The following GALNT16 variants were observed in gnomAD, a reference collection of about 807,000 sequenced individuals.
GALNT16 encodes UDP-GalNAc:polypeptide N-acetylgalactosaminyltransferase-like protein 1.
In GALNT16, 40 loss-of-function variants were observed where a neutral mutation model predicts 76.1. The observed-to-expected ratio is 0.53, with a 90% CI of 0.41 to 0.68. GALNT16 has a LOEUF of 0.68. GALNT16 is among the 30% of genes least tolerant of loss of function. The pLI, the probability that GALNT16 is intolerant of heterozygous loss-of-function variation, is 0.00. For synonymous variants in GALNT16, 276 were observed against 285.2 expected (o/e 0.97, Z 0.32); for missense variants, 621 against 731.9 (o/e 0.85, Z 1.75).
chr14:69,304,900 GGCTATTGT>G (rs1180842087), intron 1 of GALNT16, among the ~76,000 whole-genome samples: 2 of 152,114 alleles, frequency 1.3e-5, no homozygotes, highest in African/African-American at 4.8e-5. Flanking sequence ...CCCACATCTT[GGCTATTGT>G]GAATAATGCT....
At chr14:69,318,197 G>A (rs768959679) in intron 1 of GALNT16, among the ~76,000 whole-genome samples, 3 of 152,252 alleles carry the variant, frequency 2.0e-5, no homozygotes, top group African/African-American at 4.8e-5. Context: ...ACCACCTGGA[G>A]CGGGGTTGGA....
intron 1 of GALNT16, among the ~76,000 whole-genome samples, chr14:69,310,258 C>T (rs763156902): frequency 6.6e-6 from 1 of 151,506 alleles, no homozygotes; most frequent in Non-Finnish European, 1.5e-5. Context: ...CATCTGTAGT[C>T]TTATGGTATA....
At chr14:69,311,904 TCC>T (rs915442494) in intron 1 of GALNT16, among the ~76,000 whole-genome samples, 1 of 151,818 alleles carries the variant, frequency 6.6e-6, no homozygotes, top group Non-Finnish European at 1.5e-5. Flanking sequence ...TGCTTTTTTT[TCC>T]CCCTTAATAT....
At chr14:69,357,844 T>C (rs921684168), downstream of GALNT16, 9 of 152,402 alleles carry the variant, frequency 5.9e-5, no homozygotes, top group Admixed American at 3.3e-4. Context: ...TGTGTTTGTA[T>C]TGAGTGGTCC....
In GALNT16 at chr14:69,352,792, TG is replaced by T. The variant is rs1011381802; in HGVS notation, c.*626del. 2 of 152,244 alleles carry T rather than the reference TG, an allele frequency of 1.3e-5. No individual in the cohort carries two copies. Among genetic ancestry groups the T allele is most frequent in the Non-Finnish European group, 2.9e-5 (2 of 68,160 alleles). 9.4% of individuals were successfully genotyped at this position (152,244 alleles called of 1,614,324 possible). A position where few individuals can be genotyped will look rare whatever the true frequency, so the allele number is the denominator to read the frequency against. On this transcript the variant is annotated 3_prime_UTR_variant, in exon 15 of 15. Transcript: ENST00000448469. ...AGGATGGGTAATTTGCAAATGAACATGGATAGAAGAGCAGCAAAGCACCAAA... is the reference window on the plus strand; with the variant it reads ...AGGATGGGTAATTTGCAAATGAACATGATAGAAGAGCAGCAAAGCACCAAA...
intron 11 of GALNT16, 52 bp downstream of exon 11, chr14:69,339,671 C>A (rs2045461215): frequency 8.8e-7 from 1 of 1,137,480 alleles, no homozygotes; most frequent in Non-Finnish European, 1.3e-6. Context: ...ATTAGCACAA[C>A]CCCAGCAAAA....
chr14:69,318,482 A>C (rs11158802), intron 1 of GALNT16, among the ~76,000 whole-genome samples: 34,545 of 152,158 alleles, frequency 0.23, 4,834 homozygotes, highest in East Asian at 0.43. Context: ...TTGTTGAATG[A>C]ATGCATGCAT....
chr14:69,310,023 A>G (rs1364722615), intron 1 of GALNT16, among the ~76,000 whole-genome samples: 1 of 152,106 alleles, frequency 6.6e-6, no homozygotes, highest in Non-Finnish European at 1.5e-5. Flanking sequence ...CATTCACTGA[A>G]TGGCATAGCT....
At chr14:69,316,061 A>G (rs1382619428) in intron 1 of GALNT16, among the ~76,000 whole-genome samples, 2 of 152,200 alleles carry the variant, frequency 1.3e-5, no homozygotes, top group Admixed American at 6.5e-5. Flanking sequence ...GAGGTGCAGT[A>G]ATGAGATTGG....
rs1360111492 is a variant in GALNT16 at position 69,342,490 on chromosome 14, G to C, written c.1271+726G>C. Among the ~76,000 whole-genome samples, 29 of 69,608 alleles carry C rather than the reference G, an allele frequency of 4.2e-4. 2 individuals are homozygous for C. Among genetic ancestry groups the C allele is most frequent in the South Asian group, 1.4e-3 (2 of 1,450 alleles). The allele number at this position is 69,608 out of a possible 152,430, so 45.7% of individuals were successfully genotyped here. ...GAAGGAAGGAAGGGAGGGAGGGAGG[G>C]AGGGAGGGAGGGAGGGAGGAAGGAA... is the stretch of plus-strand genomic sequence containing the variant. On this transcript the variant is annotated intron_variant, in intron 12 of 14. Transcript: ENST00000448469.
the GALNT16 span, among the ~76,000 whole-genome samples, chr14:69,371,012 T>C: frequency 6.6e-6 from 1 of 152,238 alleles, no homozygotes; most frequent in Non-Finnish European, 1.5e-5. Flanking sequence ...ACAGTCCTTA[T>C]GTTTTTATCA....
the GALNT16 span, among the ~76,000 whole-genome samples, chr14:69,364,760 C>A: frequency 2.0e-5 from 3 of 152,174 alleles, no homozygotes; most frequent in East Asian, 5.8e-4. This position sits in a 1 kb window ranked among gnomAD's most constrained non-coding sequence, Gnocchi z 4.2. Context: ...TTAGGAGCCA[C>A]TCACATTGAC....
At chr14:69,336,842 A>G (rs1352450424) in intron 9 of GALNT16, among the ~76,000 whole-genome samples, 1 of 151,738 alleles carries the variant, frequency 6.6e-6, no homozygotes, top group East Asian at 1.9e-4. Flanking sequence ...ATTCTGCCTC[A>G]GCCTTCCAAA....
intron 1 of GALNT16, among the ~76,000 whole-genome samples, chr14:69,312,356 G>A (rs915807923): frequency 5.9e-5 from 9 of 152,284 alleles, no homozygotes; most frequent in East Asian, 1.9e-4. Context: ...GACGCTTTGC[G>A]CTTGTGACTA....
chr14:69,314,565 A>G (rs745538215), intron 1 of GALNT16, among the ~76,000 whole-genome samples: 2 of 152,226 alleles, frequency 1.3e-5, no homozygotes, highest in African/African-American at 2.4e-5. Context: ...GGATGAGACC[A>G]CTGGCAGCCC....
At chr14:69,380,642 TGAG>T in the GALNT16 span, 15 of 1,583,656 alleles carry the variant, frequency 9.5e-6, no homozygotes, top group Admixed American at 8.4e-5. Context: ...GCTCGGTAAC[TGAG>T]GAGAGAAAGG....
chr14:69,367,847 G>A, the GALNT16 span, among the ~76,000 whole-genome samples: 1 of 151,976 alleles, frequency 6.6e-6, no homozygotes, highest in African/African-American at 2.4e-5. Context: ...TTAAATATTA[G>A]CCAGGCATGG....
upstream of GALNT16, chr14:69,259,711 C>A (rs142050731): frequency 0.011 from 1,627 of 153,306 alleles, 25 homozygotes; most frequent in South Asian, 0.049. Context: ...CGCGCCAGAG[C>A]GCAGCCCGGA....
intron 4 of GALNT16, 123 bp downstream of exon 4, chr14:69,325,527 G>A: frequency 2.8e-6 from 2 of 717,266 alleles, no homozygotes; most frequent in Admixed American, 2.0e-5. Context: ...CCCCCAGCAG[G>A]GATCCTGTCT....
Sources: allele counts gnomAD v4.1 joint callset (sites outside exome capture counted in the v4.1 genomes callset), GRCh38; gene constraint gnomAD v4.1.1; non-coding constraint Gnocchi (gnomAD v3.1); transcripts MANE v1.5; gene names NCBI Gene and HGNC (gene_info 2026-07-23, HGNC 2026-07-21).